LDHC: variants seen among roughly 807,000 people sequenced by gnomAD.
LDHC encodes L-lactate dehydrogenase C chain.
Under a neutral mutation model 30.2 loss-of-function variants are expected in LDHC, and 20 were observed. That is an observed-to-expected ratio of 0.66 (90% CI 0.47 to 0.96). LDHC has a LOEUF of 0.96. LDHC is among the 40% of genes least tolerant of loss of function. LDHC has a pLI of 0.00. For missense variants in LDHC, 362 were observed against 394.9 expected, an observed-to-expected ratio of 0.92 and a Z score of 0.71; for synonymous variants, 139 against 132.7, an observed-to-expected ratio of 1.05 and a Z score of -0.32.
At chr11:18,439,811 T>TAAAAAAAAAAA (rs71047596) in intron 6 of LDHC, among the ~76,000 whole-genome samples, 4 of 64,202 alleles carry the variant, frequency 6.2e-5, no homozygotes, top group Non-Finnish European at 8.2e-5. Context: ...CCGTCTCTAC[T>TAAAAAAAAAAA]AAAAAAAAAA....
chr11:18,444,700 C>T (rs7938942), intron 6 of LDHC, among the ~76,000 whole-genome samples: 67,952 of 140,790 alleles, frequency 0.48, 18,253 homozygotes, highest in South Asian at 0.61. Context: ...GGCTTTAAAA[C>T]GGGGTAGTTG....
At chr11:18,428,158 TTCTC>T (rs1278005921) in intron 3 of LDHC, among the ~76,000 whole-genome samples, 10 of 147,724 alleles carry the variant, frequency 6.8e-5, no homozygotes, top group Non-Finnish European at 8.9e-5. Flanking sequence ...TTTTCTTTCT[TTCTC>T]TCTCTTTTTT....
In LDHC at chr11:18,451,064, G is replaced by C; in HGVS notation, c.936G>C (p.Glu312Asp). 6.3e-7 allele frequency: 1 copy of C among 1,588,192 alleles called. No homozygotes were observed. Among genetic ancestry groups the C allele is most frequent in the Non-Finnish European group, 8.5e-7 (1 of 1,170,444 alleles). ...TGAAAATTAACTTGAATTCTGAGGA[G>C]GAGGCCCTTTTCAAGAAGAGTGCAG... ...DVVKINLNSE[E>D]EALFKKSAET... The change falls in exon 8 of 8, where the codon GAG becomes GAC. Residue 312 changes from glutamate to aspartate, a missense_variant. Glu to Asp is a conservative substitution (Grantham distance 45). Transcript: ENST00000541669.
In LDHC at chr11:18,429,918, T is replaced by G. The variant is rs754969485; in HGVS notation, c.418+8T>G. ...TTGTTGTTTCAAATCCAGGTGAGTC[T>G]TCTCTCTTCCATTCTATTGCATAAG... is the stretch of plus-strand genomic sequence containing the variant. On this transcript the variant is annotated splice_region_variant and intron_variant, in intron 4 of 7. Transcript: ENST00000541669. 2.6e-6 allele frequency: 4 copies of G among 1,556,330 alleles called. No individual in the cohort carries two copies. The African/African-American group carries it at 4.1e-5, about 16-fold the overall frequency.
chr11:18,451,339 A>C lies in LDHC; in HGVS notation c.*212A>C. 8.1e-6 allele frequency: 3 copies of C among 372,416 alleles called. No individual in the cohort carries two copies. Among genetic ancestry groups the C allele is most frequent in the South Asian group, 4.3e-5 (1 of 23,334 alleles). 23.1% of individuals were successfully genotyped at this position (372,416 alleles called of 1,614,324 possible). Reference sequence around the variant, plus strand: ...TATAGCTCTATTCTAATGATACCCAATCTGTACAGGTGTAAGTTATACTTC... The same window carrying C: ...TATAGCTCTATTCTAATGATACCCACTCTGTACAGGTGTAAGTTATACTTC... On this transcript the variant is annotated 3_prime_UTR_variant, in exon 8 of 8. Coordinates refer to ENST00000541669, the MANE Select transcript of LDHC (RefSeq NM_017448.5).
intron 7 of LDHC, 166 bp from the exon 8 acceptor site, chr11:18,450,797 T>G (rs531356578): frequency 1.9e-6 from 1 of 531,250 alleles, no homozygotes; most frequent in Non-Finnish European, 3.3e-6. Flanking sequence ...CACATGGTTA[T>G]AGGACATAAG....
intron 4 of LDHC, among the ~76,000 whole-genome samples, chr11:18,434,157 T>A (rs542592168): frequency 2.9e-4 from 44 of 152,262 alleles, no homozygotes; most frequent in African/African-American, 9.4e-4. Flanking sequence ...CTGAATTTTT[T>A]ATTGTTTTTT....
intron 6 of LDHC, among the ~76,000 whole-genome samples, chr11:18,441,354 T>C (rs1315651388): frequency 8.6e-5 from 13 of 151,678 alleles, no homozygotes; most frequent in Non-Finnish European, 7.4e-5. Context: ...GGTCTTGCTT[T>C]GTCGCCAGGC....
At chr11:18,450,068 T>A (rs2133850453) in intron 7 of LDHC, 1 of 152,268 alleles carries the variant, frequency 6.6e-6, no homozygotes, top group Non-Finnish European at 1.5e-5. Context: ...CTGGGTGTCT[T>A]TTAACATTTT....
In LDHC at chr11:18,426,183, A is replaced by G. The variant is rs538053289; in HGVS notation, c.245-3554A>G. On this transcript the variant is annotated intron_variant, in intron 3 of 7. Transcript: ENST00000541669. The stretch of plus-strand genomic sequence containing the variant: ...ATGCCCAGCTCCACAGATATTTTAA[A>G]TTATCTCATATGTACAGTGAGTCCA... Among the ~76,000 whole-genome samples, 4 of 152,070 alleles carry G rather than the reference A, an allele frequency of 2.6e-5. No individual in the cohort carries two copies. In the South Asian group the frequency reaches 6.2e-4, roughly 24 times the overall value.
intron 6 of LDHC, among the ~76,000 whole-genome samples, chr11:18,444,186 C>T (rs1848511389): frequency 6.6e-6 from 1 of 152,160 alleles, no homozygotes; most frequent in African/African-American, 2.4e-5. Flanking sequence ...GCTCCCTTTA[C>T]CCTTTCTTTT....
At position 18,429,683 on chromosome 11, in the gene LDHC, G is replaced by T. The variant is rs138672442; in HGVS notation, c.245-54G>T. ...TACAATAGAGTTTTAAGGAGTTAAGGCACAGTGGTTATGGTAATGTTGATC... is the reference window on the plus strand; with the variant it reads ...TACAATAGAGTTTTAAGGAGTTAAGTCACAGTGGTTATGGTAATGTTGATC... On this transcript the variant is annotated intron_variant, in intron 3 of 7. Transcript: ENST00000541669. 2.2e-4 allele frequency: 235 copies of T among 1,046,008 alleles called. 1 individual carries two copies. In the African/African-American group the frequency reaches 3.2e-3, roughly 14 times the overall value. 64.8% of individuals were successfully genotyped at this position (1,046,008 alleles called of 1,614,324 possible). A position where few individuals can be genotyped will look rare whatever the true frequency, so the allele number is the denominator to read the frequency against.
intron 7 of LDHC, among the ~76,000 whole-genome samples, chr11:18,447,207 C>T (rs1026357759): frequency 1.3e-5 from 2 of 150,822 alleles, no homozygotes; most frequent in Non-Finnish European, 2.9e-5. Context: ...GATCTTGGCT[C>T]ACTGCAAGCT....
At chr11:18,429,972 A>C in intron 4 of LDHC, 62 bp downstream of exon 4, 1 of 1,005,560 alleles carries the variant, frequency 9.9e-7, no homozygotes, top group Non-Finnish European at 1.5e-6. Context: ...TTCCTTTAAA[A>C]GAATCAACTT....
chr11:18,448,745 A>ATTTTTTTTT (rs142663276), intron 7 of LDHC, among the ~76,000 whole-genome samples: 1 of 147,790 alleles, frequency 6.8e-6, no homozygotes, highest in Non-Finnish European at 1.5e-5. Context: ...TATTAATTGG[A>ATTTTTTTTT]TTTTTTTTTT....
In LDHC at chr11:18,441,111, T is replaced by A. The variant is rs527814548; in HGVS notation, c.710+2466T>A. ...CTGCATTCCAACCTGGGCAACAGAG[T>A]GAGACCTCATCTCTTAAAAAAAAAA... On this transcript the variant is annotated intron_variant, in intron 6 of 7. Coordinates refer to ENST00000541669, the MANE Select transcript of LDHC (RefSeq NM_017448.5). 3.3e-5 allele frequency among the ~76,000 whole-genome samples: 5 copies of A among 151,468 alleles called. No homozygotes were observed. The East Asian group carries it at 9.7e-4, about 29-fold the overall frequency.
At chr11:18,426,040 T>A (rs1455502611) in intron 3 of LDHC, among the ~76,000 whole-genome samples, 1 of 152,034 alleles carries the variant, frequency 6.6e-6, no homozygotes, top group Non-Finnish European at 1.5e-5. Context: ...TTTTTTTTTT[T>A]TTTTACTTTT....
At chr11:18,429,345 T>A (rs751246020) in intron 3 of LDHC, among the ~76,000 whole-genome samples, 26 of 152,050 alleles carry the variant, frequency 1.7e-4, no homozygotes, top group Non-Finnish European at 3.2e-4. Flanking sequence ...TCTCTTGACC[T>A]CGTGATCCGC....
At chr11:18,420,992 TAACTTTG>T (rs1253751196) in intron 3 of LDHC, among the ~76,000 whole-genome samples, 3 of 152,154 alleles carry the variant, frequency 2.0e-5, no homozygotes, top group African/African-American at 7.2e-5. Flanking sequence ...GTGTGGTGAT[TAACTTTG>T]AACTTTGATA....
Sources: allele counts gnomAD v4.1 joint callset (sites outside exome capture counted in the v4.1 genomes callset), GRCh38; gene constraint gnomAD v4.1.1; transcripts MANE v1.5; gene names NCBI Gene and HGNC (gene_info 2026-07-23, HGNC 2026-07-21).